GTPBP1: variants seen among roughly 807,000 people sequenced by gnomAD.
GTPBP1 encodes GTP-binding protein 1.
GTPBP1 carries 23 observed loss-of-function variants against 62.0 expected under a neutral mutation model. The observed-to-expected ratio is 0.37, with a 90% CI of 0.27 to 0.53. GTPBP1 has a LOEUF of 0.53. Among genes scored for constraint, GTPBP1 ranks in the 20% least tolerant of loss-of-function variants. The probability of loss-of-function intolerance (pLI) is 0.89; values close to 1 mark genes in which losing one functional copy is unlikely to be tolerated. For missense variants in GTPBP1, 640 were observed against 917.3 expected, an observed-to-expected ratio of 0.70 and a Z score of 3.90; for synonymous variants, 344 against 364.4, an observed-to-expected ratio of 0.94 and a Z score of 0.64.
At chr22:38,736,357 CTGGTACG>C, downstream of GTPBP1, 4 of 1,613,890 alleles carry the variant, frequency 2.5e-6, no homozygotes, top group Non-Finnish European at 3.4e-6. Context: ...GCTCCACCAC[CTGGTACG>C]TGGCCATCGT....
At chr22:38,710,896 TAACCCACCCATGGCA>T (rs938446944) in intron 2 of GTPBP1, among the ~76,000 whole-genome samples, 2 of 152,164 alleles carry the variant, frequency 1.3e-5, no homozygotes, top group East Asian at 1.9e-4. Flanking sequence ...CCATGGCAAT[TAACCCACCCATGGCA>T]AACCCACCCA....
At chr22:38,708,248 A>C (rs1255322158) in intron 1 of GTPBP1, among the ~76,000 whole-genome samples, 1 of 152,230 alleles carries the variant, frequency 6.6e-6, no homozygotes, top group Non-Finnish European at 1.5e-5. Context: ...TTGACACTTC[A>C]ATGTTATTGG....
chr22:38,742,183 C>T, downstream of GTPBP1: 1 of 1,292,278 alleles, frequency 7.7e-7, no homozygotes, highest in South Asian at 1.5e-5. Flanking sequence ...AAGGGAGTAA[C>T]TGCAAAATGG....
chr22:38,742,153 A>C (rs2092863469), downstream of GTPBP1: 2 of 1,102,550 alleles, frequency 1.8e-6, no homozygotes, highest in Admixed American at 6.1e-5. Flanking sequence ...AAAAAGAAAA[A>C]AAAAAAAGAA....
chr22:38,719,676 C>T (rs1365196399), intron 4 of GTPBP1, among the ~76,000 whole-genome samples: 1 of 150,258 alleles, frequency 6.7e-6, no homozygotes, highest in African/African-American at 2.4e-5. Context: ...GACATGTCTT[C>T]ATCCCAGACA....
chr22:38,734,996 C>G (rs1301641637), downstream of GTPBP1: 2 of 303,332 alleles, frequency 6.6e-6, no homozygotes, highest in Admixed American at 9.5e-5. Flanking sequence ...AACCAGTGCC[C>G]CAGGCCCCTC....
At chr22:38,738,278 C>A, downstream of GTPBP1, 1 of 1,610,394 alleles carries the variant, frequency 6.2e-7, no homozygotes, top group South Asian at 1.1e-5. The surrounding 1 kb of genome is among the most constrained non-coding windows in gnomAD (Gnocchi z 6.6). Flanking sequence ...GCAAAGAGAG[C>A]GGAGGGAAGT....
At chr22:38,723,587 C>T in intron 5 of GTPBP1, 1 of 570,626 alleles carries the variant, frequency 1.8e-6, no homozygotes, top group Non-Finnish European at 3.1e-6. Context: ...TCTTCTGCTA[C>T]TTCCTCCCCT....
downstream of GTPBP1, chr22:38,736,147 G>A: frequency 1.0e-6 from 1 of 980,780 alleles, no homozygotes; most frequent in South Asian, 1.4e-5. Flanking sequence ...ATCTGCATGG[G>A]GCCACAGGCT....
rs192702325 is a variant in GTPBP1, at chr22:38,727,514, T to C, written c.1537+166T>C. On this transcript the variant is annotated intron_variant, in intron 9 of 11. Transcript: ENST00000216044. This position sits in a 1 kb window ranked among gnomAD's most constrained non-coding sequence, Gnocchi z 6.5. ...TTCTACCCATGAGCCGCAGTGTTGA[T>C]TCCTTCCCACAAACACTGAGGGCTG... is the stretch of plus-strand genomic sequence containing the variant. Among the ~76,000 whole-genome samples, 12 of 151,632 alleles carry C rather than the reference T, an allele frequency of 7.9e-5. No individual in the cohort carries two copies. The highest frequency in any genetic ancestry group is 2.7e-4 in the African/African-American group (11 of 41,336).
intron 10 of GTPBP1, 34 bp downstream of exon 10, chr22:38,728,195 A>G (rs761181732): frequency 6.6e-7 from 1 of 1,522,776 alleles, no homozygotes; most frequent in Non-Finnish European, 9.1e-7. Flanking sequence ...TGCCTCCAGG[A>G]AGCACCAGGG....
chr22:38,728,143 T>C lies in GTPBP1; in HGVS notation c.1698T>C (p.Ala566=). 1 of 1,613,504 alleles carries C rather than the reference T, an allele frequency of 6.2e-7. No individual in the cohort carries two copies. Among genetic ancestry groups the C allele is most frequent in the Non-Finnish European group, 8.5e-7 (1 of 1,179,574 alleles). Residue 566 remains alanine, a synonymous_variant, in exon 10 of 12, where the codon GCT becomes GCC. Transcript: ENST00000216044. ...TGTTCCGGGAAGGCCGCACCAAGGC[T>C]GTCGGCACCATCACCAAGGTATGGC... ...RLVFREGRTK[A]VGTITKLLQT... is the part of the protein sequence containing the mutation.
At chr22:38,720,153 C>T (rs1222069577) in intron 4 of GTPBP1, among the ~76,000 whole-genome samples, 2 of 151,832 alleles carry the variant, frequency 1.3e-5, no homozygotes, top group African/African-American at 4.8e-5. Flanking sequence ...TGGTCTCGAG[C>T]TCCTGACCTC....
rs762508588 is a variant in GTPBP1, at chr22:38,726,456, A to G, written c.1401+16A>G. Reference sequence around the variant, plus strand: ...GCTGAAGAAGGTGAGTAGCGATGATACTGAACGCTCCCCTCAGACTCCATC... The same window carrying G: ...GCTGAAGAAGGTGAGTAGCGATGATGCTGAACGCTCCCCTCAGACTCCATC... On this transcript the variant is annotated intron_variant, in intron 8 of 11. Coordinates refer to ENST00000216044, the MANE Select transcript of GTPBP1 (RefSeq NM_004286.5). The surrounding 1 kb of genome is among the most constrained non-coding windows in gnomAD (Gnocchi z 4.1). 3 of 1,605,428 alleles carry G rather than the reference A, an allele frequency of 1.9e-6. No individual in the cohort carries two copies. In the African/African-American group the frequency reaches 4.0e-5, roughly 21 times the overall value.
Position 38,705,963 on chromosome 22 carries a change from C to G in GTPBP1, c.8C>G (p.Thr3Arg). MA[T>R]ERSRSAMDSP... ...TAGCCTAAGTTATTAAAGATGGCGACGGAGCGCAGTCGCTCCGCGATGGAC... is the reference window on the plus strand; with the variant it reads ...TAGCCTAAGTTATTAAAGATGGCGAGGGAGCGCAGTCGCTCCGCGATGGAC... Residue 3 changes from threonine (T) to arginine (R), a missense_variant, in exon 1 of 12, where the codon ACG becomes AGG. Transcript: ENST00000216044. The G allele has an allele frequency of 5.6e-6, 8 of 1,440,964 alleles. No homozygotes were observed. Among genetic ancestry groups the G allele is most frequent in the Non-Finnish European group, 7.3e-6 (8 of 1,093,274 alleles). The allele number at this position is 1,440,964 out of a possible 1,614,324, so 89.3% of individuals were successfully genotyped here.
At chr22:38,739,096 G>A (rs1254419142), downstream of GTPBP1, 4 of 1,160,382 alleles carry the variant, frequency 3.4e-6, no homozygotes. This position sits in a 1 kb window ranked among gnomAD's most constrained non-coding sequence, Gnocchi z 6.7. Flanking sequence ...CCCAGGCCTA[G>A]CCTTTAACCC....
intron 5 of GTPBP1, among the ~76,000 whole-genome samples, chr22:38,723,848 T>C (rs1433408681): frequency 1.3e-5 from 2 of 152,214 alleles, no homozygotes; most frequent in Non-Finnish European, 2.9e-5. Context: ...CCCTCACTGC[T>C]AAAGATTGTA....
Position 38,732,685 on chromosome 22 carries a change from G to C in GTPBP1, c.*1981G>C, listed in dbSNP as rs995844954. 1.3e-5 allele frequency: 2 copies of C among 152,340 alleles called. No homozygotes were observed. Among genetic ancestry groups the C allele is most frequent in the African/African-American group, 4.8e-5 (2 of 41,454 alleles). 9.4% of individuals were successfully genotyped at this position (152,340 alleles called of 1,614,324 possible). On this transcript the variant is annotated 3_prime_UTR_variant, in exon 12 of 12. Transcript: ENST00000216044. ...ATTCCCAGCAGCCGCCCCTGAGGTC[G>C]ATGTTTGTTCTGTTTTTCTTTTTCT...
downstream of GTPBP1, chr22:38,740,786 C>G: frequency 1.7e-6 from 1 of 603,986 alleles, no homozygotes. The surrounding 1 kb of genome is among the most constrained non-coding windows in gnomAD (Gnocchi z 4.8). Flanking sequence ...TCCTCTCACA[C>G]AGCCTGCCCC....
Sources: gnomAD v4.1 joint callset for allele counts (sites outside exome capture counted in the v4.1 genomes callset) on GRCh38, gnomAD v4.1.1 for gene constraint, Gnocchi (gnomAD v3.1) non-coding constraint, MANE v1.5 for transcripts, NCBI Gene and HGNC (gene_info 2026-07-23, HGNC 2026-07-21) for gene names.